Variants in ASMTL observed in about 807,000 individuals in gnomAD.
ASMTL encodes the protein acetylserotonin O-methyltransferase like, also known as probable bifunctional dTTP/UTP pyrophosphatase/methyltransferase protein.
ASMTL carries 57 observed loss-of-function variants against 60.3 expected under a neutral mutation model. That is an observed-to-expected ratio of 0.95 (90% CI 0.76 to 1.18). The LOEUF is 1.18. Ranked by LOEUF, ASMTL falls within the 50% of genes most tolerant of loss-of-function variation. ASMTL has a pLI of 0.00. For missense variants in ASMTL, 981 were observed against 852.6 expected, an observed-to-expected ratio of 1.15 and a Z score of -1.88; for synonymous variants, 419 against 373.0, an observed-to-expected ratio of 1.12 and a Z score of -1.42.
chrX:1,434,491 A>G (rs1208942425), intron 5 of ASMTL, among the ~76,000 whole-genome samples: 1 of 145,160 alleles, frequency 6.9e-6, no homozygotes, highest in Non-Finnish European at 1.5e-5. Context: ...CCCTGTCTCA[A>G]AAAAAAAAAA....
chrX:1,424,407 T>G (rs1335471081), intron 8 of ASMTL, among the ~76,000 whole-genome samples: 1 of 145,018 alleles, frequency 6.9e-6, no homozygotes, highest in Non-Finnish European at 1.5e-5. Context: ...CATCCGTCTA[T>G]TCACCCACAC....
intron 11 of ASMTL, among the ~76,000 whole-genome samples, chrX:1,417,126 C>G (rs1189285703): frequency 1.4e-4 from 21 of 151,872 alleles, no homozygotes; most frequent in Admixed American, 5.9e-4. Flanking sequence ...GACACATGCA[C>G]ACAGACACAC....
intron 10 of ASMTL, 56 bp from the exon 11 acceptor site, chrX:1,418,172 C>G: frequency 6.6e-7 from 1 of 1,520,424 alleles, no homozygotes; most frequent in East Asian, 2.3e-5. Flanking sequence ...ACTCTGACGA[C>G]TCTCCAAAGC....
At chrX:1,440,837 C>T (rs2091091779) in intron 2 of ASMTL, among the ~76,000 whole-genome samples, 1 of 152,058 alleles carries the variant, frequency 6.6e-6, no homozygotes, top group Admixed American at 6.6e-5. Context: ...CATTATGATA[C>T]AATTATATTA....
Position 1,435,016 on chromosome X carries a change from G to T in ASMTL, c.400+6C>A, listed in dbSNP as rs191574767. On this transcript the variant is annotated splice_donor_region_variant and intron_variant, in intron 5 of 12. Transcript: ENST00000381317. ...GGGGCTACCCCGAAACCTGGGCCGC[G>T]GTTACCTTTGCTGGAGCAGTGGACG... 6.2e-7 allele frequency: 1 copy of T among 1,613,626 alleles called. No individual in the cohort carries two copies. Among genetic ancestry groups the T allele is most frequent in the Non-Finnish European group, 8.5e-7 (1 of 1,179,844 alleles).
At chrX:1,444,249 C>G (rs1189090361) in intron 1 of ASMTL, among the ~76,000 whole-genome samples, 8 of 151,164 alleles carry the variant, frequency 5.3e-5, no homozygotes, top group Non-Finnish European at 8.9e-5. Context: ...GCTGTGTCGC[C>G]CAGGCTGGAG....
intron 11 of ASMTL, 160 bp from the exon 12 acceptor site, chrX:1,413,014 G>C (rs1376491533): frequency 5.3e-6 from 4 of 759,442 alleles, no homozygotes; most frequent in Non-Finnish European, 8.9e-6. Context: ...GTGGGGACTT[G>C]AACAGAGCTC....
intron 5 of ASMTL, among the ~76,000 whole-genome samples, chrX:1,433,644 C>G (rs1262333112): frequency 6.6e-6 from 1 of 151,242 alleles, no homozygotes; most frequent in Non-Finnish European, 1.5e-5. Flanking sequence ...GGCGCAAGTG[C>G]ACTCTAGCCT....
intron 12 of ASMTL, among the ~76,000 whole-genome samples, chrX:1,410,406 C>G (rs1424303016): frequency 3.3e-5 from 5 of 151,904 alleles, no homozygotes; most frequent in Admixed American, 2.6e-4. Flanking sequence ...ACTCCTATCT[C>G]CACAAAAAAC....
chrX:1,427,750 C>T lies in ASMTL; in HGVS notation c.881G>A (p.Gly294Asp), dbSNP rs752530488. The T allele has an allele frequency of 1.9e-6, 3 of 1,610,928 alleles. No homozygotes were observed. Among genetic ancestry groups the T allele is most frequent in the Non-Finnish European group, 1.7e-6 (2 of 1,178,144 alleles). Residue 294 changes from glycine (G) to aspartate (D), a missense_variant, in exon 7 of 13, where the codon GGC (glycine) becomes GAC (aspartate). Gly to Asp is a moderately conservative substitution (Grantham distance 94). Transcript: ENST00000381317. Reference protein sequence around the residue: ...FPTRLLELIEGFMLSKGLLTA... With the variant: ...FPTRLLELIEDFMLSKGLLTA... ...CACAGGTACCTTGGATAGCATAAAG[C>T]CCTCAATCAGCTCCAGGAGGCGTGT...
At chrX:1,416,578 GAC>G (rs2090279508) in intron 11 of ASMTL, among the ~76,000 whole-genome samples, 1 of 97,650 alleles carries the variant, frequency 1.0e-5, no homozygotes, top group South Asian at 2.6e-4. Flanking sequence ...CACAGACGCA[GAC>G]ACACAGACAT....
At chrX:1,403,631 G>A (rs778735532) in intron 12 of ASMTL, 142 bp from the exon 13 acceptor site, 2 of 691,628 alleles carry the variant, frequency 2.9e-6, no homozygotes, top group East Asian at 5.3e-5. Context: ...GCCCACACAG[G>A]TAGGGGAGGG....
At chrX:1,425,034 T>C (rs1349181295) in intron 8 of ASMTL, among the ~76,000 whole-genome samples, 2 of 145,584 alleles carry the variant, frequency 1.4e-5, no homozygotes, top group Non-Finnish European at 3.0e-5. Flanking sequence ...TCCTCCCATC[T>C]ATCCACCTAC....
In ASMTL at chrX:1,403,411, T is replaced by C. The variant is rs779635128; in HGVS notation, c.1724A>G (p.Asn575Ser). ...CTTGCCTTCAGTCTGCACCAGCATG[T>C]TCAGTGACTGCATCAGGGCGCGCTG... is the stretch of plus-strand genomic sequence containing the variant. ...VAQRALMQSL[N>S]MLVQTEGKER... is the part of the protein sequence containing the mutation. Residue 575 changes from asparagine to serine, a missense_variant, in exon 13 of 13, where the codon AAC becomes AGC. Transcript: ENST00000381317. 5 of 1,613,442 alleles carry C rather than the reference T, an allele frequency of 3.1e-6. No homozygotes were observed. The East Asian group carries it at 8.9e-5, about 29-fold the overall frequency.
chrX:1,415,450 T>G (rs1371695860), intron 11 of ASMTL, among the ~76,000 whole-genome samples: 1 of 138,210 alleles, frequency 7.2e-6, no homozygotes, highest in Admixed American at 8.2e-5. Flanking sequence ...TATTTTTATT[T>G]ATCATTATTA....
rs748133861 is a variant in ASMTL, at chrX:1,419,579, C to G, written c.1246-465G>C. Among the ~76,000 whole-genome samples the G allele has an allele frequency of 9.2e-5, 14 of 151,996 alleles. No homozygotes were observed. The East Asian group carries it at 2.1e-3, about 23-fold the overall frequency. ...CTGGTGTGCAGAGGAGAAGCTCCTC[C>G]GAGCTTCTCCAAGTCCCCCCAGTGG... On this transcript the variant is annotated intron_variant, in intron 9 of 12. Coordinates refer to ENST00000381317, the MANE Select transcript of ASMTL (RefSeq NM_004192.4).
chrX:1,418,389 T>G (rs1279394452), intron 10 of ASMTL, among the ~76,000 whole-genome samples: 1 of 151,464 alleles, frequency 6.6e-6, no homozygotes, highest in Non-Finnish European at 1.5e-5. Context: ...GTAGACACAA[T>G]GGCCGGTGCT....
chrX:1,424,445 C>T (rs372141080), intron 8 of ASMTL, among the ~76,000 whole-genome samples: 1 of 150,884 alleles, frequency 6.6e-6, no homozygotes, highest in East Asian at 2.0e-4. Context: ...GCCGTGCACC[C>T]ATCCATCCAC....
intron 8 of ASMTL, among the ~76,000 whole-genome samples, chrX:1,423,114 G>T (rs1281417181): frequency 6.6e-6 from 1 of 152,012 alleles, no homozygotes; most frequent in South Asian, 2.1e-4. Context: ...CACCGTGCCC[G>T]GCTAATTTTT....
Sources: allele counts gnomAD v4.1 joint callset (sites outside exome capture counted in the v4.1 genomes callset), GRCh38; gene constraint gnomAD v4.1.1; transcripts MANE v1.5; gene names NCBI Gene and HGNC (gene_info 2026-07-23, HGNC 2026-07-21).